The following NUDT7 variants were observed in gnomAD, a reference collection of about 807,000 sequenced individuals.
The protein encoded by NUDT7 is nudix hydrolase 7, also known as peroxisomal coenzyme A diphosphatase NUDT7.
A neutral mutation model predicts 13.1 loss-of-function variants in NUDT7; 19 were observed. The ratio of observed to expected loss-of-function variants is 1.45; its 90% CI spans 1.01 to 2.13. The LOEUF (loss-of-function observed/expected upper bound fraction) is 2.13. Ranked by LOEUF, NUDT7 falls within the 30% of genes most tolerant of loss-of-function variation. The pLI is 0.00. For missense variants in NUDT7, 360 were observed against 291.7 expected (o/e 1.23, Z -1.71); for synonymous variants, 132 against 109.7 (o/e 1.20, Z -1.27).
chr16:77,722,855 C>T (rs2014003680), intron 1 of NUDT7, among the ~76,000 whole-genome samples: 1 of 152,188 alleles, frequency 6.6e-6, no homozygotes, highest in African/African-American at 2.4e-5. Context: ...CGCTGCTCCC[C>T]TTCCCAGCCG....
At chr16:77,722,683 C>T in intron 1 of NUDT7, 66 bp downstream of exon 1, 1 of 1,474,944 alleles carries the variant, frequency 6.8e-7, no homozygotes, top group Non-Finnish European at 9.3e-7. Context: ...TAGCGGAGGC[C>T]ACCGGGGCCT....
intron 2 of NUDT7, among the ~76,000 whole-genome samples, chr16:77,728,978 T>C (rs1370242543): frequency 6.6e-6 from 1 of 152,132 alleles, no homozygotes; most frequent in African/African-American, 2.4e-5. Context: ...CCCCATTCTC[T>C]GGGACTGGAA....
rs748904508 is a variant in NUDT7 at position 77,735,909 on chromosome 16, C to T, written c.271C>T (p.Arg91Trp). 13 of 1,614,010 alleles carry T rather than the reference C, an allele frequency of 8.1e-6. 1 individual carries two copies. The highest frequency in any genetic ancestry group is 6.7e-5 in the Admixed American group (4 of 60,032). ...CATGGATGATGCAGCCACAGCTCTCCGGGAAGCCCAGGAGGAAGTGGGTCT... is the reference window on the plus strand; with the variant it reads ...CATGGATGATGCAGCCACAGCTCTCTGGGAAGCCCAGGAGGAAGTGGGTCT... ...TDMDDAATAL[R>W]EAQEEVGLRP... Residue 91 changes from arginine to tryptophan, a missense_variant, in exon 3 of 4, where the codon CGG becomes TGG. Physicochemically the swap from Arg to Trp is moderately radical, Grantham distance 101 (BLOSUM62 -3). Coordinates refer to ENST00000268533, the MANE Select transcript of NUDT7 (RefSeq NM_001105663.3).
chr16:77,730,193 G>A (rs565047327), intron 2 of NUDT7, among the ~76,000 whole-genome samples: 2 of 152,122 alleles, frequency 1.3e-5, no homozygotes, highest in Non-Finnish European at 2.9e-5. Context: ...GTTAACTATA[G>A]TTACCATAGT....
intron 2 of NUDT7, among the ~76,000 whole-genome samples, chr16:77,733,960 G>C (rs2014397884): frequency 6.6e-6 from 1 of 152,120 alleles, no homozygotes; most frequent in Non-Finnish European, 1.5e-5. Flanking sequence ...AGATATGAGA[G>C]AAATAATTTT....
Position 77,736,000 on chromosome 16 carries a change from G to A in NUDT7, c.348+14G>A, listed in dbSNP as rs28626611. 2.5e-6 allele frequency: 4 copies of A among 1,613,212 alleles called. No homozygotes were observed. In the African/African-American group the frequency reaches 5.3e-5, roughly 22 times the overall value. On this transcript the variant is annotated intron_variant, in intron 3 of 3. Coordinates refer to ENST00000268533, the MANE Select transcript of NUDT7 (RefSeq NM_001105663.3). ...TGTCTTATTGATGTAAGGGTTTCCT[G>A]AGACACTCATGAGCACCGTCCCCAC...
chr16:77,739,396 A>C (rs769309142), intron 3 of NUDT7, among the ~76,000 whole-genome samples: 2 of 152,194 alleles, frequency 1.3e-5, no homozygotes, highest in Non-Finnish European at 2.9e-5. Flanking sequence ...TCCCATTTTT[A>C]GACCATGTAG....
intron 2 of NUDT7, among the ~76,000 whole-genome samples, chr16:77,728,914 C>T (rs1248352134): frequency 6.6e-6 from 1 of 152,160 alleles, no homozygotes; most frequent in African/African-American, 2.4e-5. Context: ...ACACCCTTGA[C>T]CTCGCATCCC....
rs1567431301 is a variant in NUDT7, at chr16:77,735,811, G to T, written c.190-17G>T. The T allele has an allele frequency of 1.2e-6, 2 of 1,609,376 alleles. No individual in the cohort carries two copies. The highest frequency in any genetic ancestry group is 4.5e-5 in the East Asian group (2 of 44,736). ...AATTAGAATCCCACATTGTAGCGCT[G>T]TTCTTTCTATATCCAGCTAAGAAGG... On this transcript the variant is annotated splice_polypyrimidine_tract_variant and intron_variant, in intron 2 of 3. Transcript: ENST00000268533.
chr16:77,733,229 G>C (rs889592975), intron 2 of NUDT7, among the ~76,000 whole-genome samples: 5 of 152,206 alleles, frequency 3.3e-5, no homozygotes, highest in African/African-American at 4.8e-5. Context: ...AAACACCTTA[G>C]ACTGGGTGGC....
chr16:77,734,595 G>C (rs8058461), intron 2 of NUDT7, among the ~76,000 whole-genome samples: 15,487 of 152,076 alleles, frequency 0.1, 885 homozygotes, highest in African/African-American at 0.16. Flanking sequence ...GCACTCCAGC[G>C]TGGGACACAG....
At chr16:77,728,948 C>T (rs1311436946) in intron 2 of NUDT7, among the ~76,000 whole-genome samples, 1 of 152,148 alleles carries the variant, frequency 6.6e-6, no homozygotes, top group African/African-American at 2.4e-5. Context: ...CTTCTACCCT[C>T]CTCCACCCTC....
chr16:77,723,401 GC>G (rs141707667), intron 1 of NUDT7, among the ~76,000 whole-genome samples: 2,385 of 152,062 alleles, frequency 0.016, 48 homozygotes, highest in African/African-American at 0.046. Context: ...CTAGAAAGAG[GC>G]AAAAAATAGC....
intron 3 of NUDT7, chr16:77,736,534 G>C (rs1376355145): frequency 1.2e-5 from 2 of 162,668 alleles, no homozygotes; most frequent in African/African-American, 4.8e-5. Flanking sequence ...ATTTGTGTTG[G>C]ATCAGGATTT....
rs117896116 is a variant in NUDT7 at position 77,735,231 on chromosome 16, G to A, written c.190-597G>A. On this transcript the variant is annotated intron_variant, in intron 2 of 3. Coordinates refer to ENST00000268533, the MANE Select transcript of NUDT7 (RefSeq NM_001105663.3). ...CCCCACCCAAATCTCATGTTCAGTC[G>A]TAAACCCCAATATTGGACCTGGGGC... Among the ~76,000 whole-genome samples, 147 of 152,102 alleles carry A rather than the reference G, an allele frequency of 9.7e-4. 1 individual carries two copies. The East Asian group carries it at 0.014, about 15-fold the overall frequency.
chr16:77,725,806 T>C (rs1246407837), intron 2 of NUDT7, among the ~76,000 whole-genome samples: 1 of 152,230 alleles, frequency 6.6e-6, no homozygotes, highest in African/African-American at 2.4e-5. Context: ...TTAAAACGCT[T>C]TCACACTAGG....
intron 2 of NUDT7, among the ~76,000 whole-genome samples, chr16:77,731,998 G>A (rs2014332605): frequency 6.6e-6 from 1 of 152,042 alleles, no homozygotes; most frequent in Non-Finnish European, 1.5e-5. Flanking sequence ...TAGAAAGTAA[G>A]AAGTAATAGT....
chr16:77,728,999 G>C (rs184481509), intron 2 of NUDT7, among the ~76,000 whole-genome samples: 2 of 152,302 alleles, frequency 1.3e-5, no homozygotes, highest in Admixed American at 1.3e-4. Context: ...GTAGGCAAGA[G>C]AAAATTCAGG....
Position 77,725,540 on chromosome 16 carries a change from AAAG to A in NUDT7, c.149_151del (p.Glu50del). 1 of 1,614,134 alleles carries A rather than the reference AAAG, an allele frequency of 6.2e-7. No homozygotes were observed. ...CTCCGTCCTTTTGCCATTGGTGGCT[AAAG>A]AAGGAAAACTCCATTTGTTGTTCAC... is the stretch of plus-strand genomic sequence containing the variant. On this transcript the variant is annotated inframe_deletion, in exon 2 of 4. Coordinates refer to ENST00000268533, the MANE Select transcript of NUDT7 (RefSeq NM_001105663.3).
Sources: gnomAD v4.1 joint callset for allele counts (sites outside exome capture counted in the v4.1 genomes callset) on GRCh38, gnomAD v4.1.1 for gene constraint, MANE v1.5 for transcripts, NCBI Gene and HGNC (gene_info 2026-07-23, HGNC 2026-07-21) for gene names.